Variants in WDR37 observed in about 807,000 individuals in gnomAD.
The protein encoded by WDR37 is WD repeat domain 37.
Under a neutral mutation model 62.9 loss-of-function variants are expected in WDR37, and 19 were observed. The observed-to-expected ratio is 0.30, with a 90% CI of 0.21 to 0.44. WDR37 has a LOEUF of 0.44. WDR37 is among the 20% of genes least tolerant of loss of function. The pLI is 1.00. For missense variants in WDR37, 474 were observed against 657.6 expected, an observed-to-expected ratio of 0.72 and a Z score of 3.05; for synonymous variants, 250 against 260.9, an observed-to-expected ratio of 0.96 and a Z score of 0.40.
In WDR37 at chr10:1,113,950, C is replaced by CTTTTTTTTTTT. The variant is rs56654628; in HGVS notation, c.1103+8696_1103+8706dup. Among the ~76,000 whole-genome samples the CTTTTTTTTTTT allele has an allele frequency of 2.6e-5, 2 of 76,200 alleles. 1 individual carries two copies. The highest frequency in any genetic ancestry group is 4.8e-5 in the Non-Finnish European group (2 of 41,854). The allele number at this position is 76,200 out of a possible 152,430, so 50.0% of individuals were successfully genotyped here. A position where few individuals can be genotyped will look rare whatever the true frequency, so the allele number is the denominator to read the frequency against. The stretch of plus-strand genomic sequence containing the variant: ...TGAGGTTCAATTGTGGGTAAAATGC[C>CTTTTTTTTTTT]TTTTTTTTTTTTTTTTTTTTTTTAA... On this transcript the variant is annotated intron_variant, in intron 11 of 13. Transcript: ENST00000263150.
intron 7 of WDR37, among the ~76,000 whole-genome samples, chr10:1,089,636 CA>C (rs1834316188): frequency 6.6e-6 from 1 of 151,230 alleles, no homozygotes; most frequent in Non-Finnish European, 1.5e-5. Flanking sequence ...TGCTCACCCA[CA>C]ATTCAGCCTT....
intron 11 of WDR37, among the ~76,000 whole-genome samples, chr10:1,110,144 T>TG (rs1835164895): frequency 6.6e-6 from 1 of 152,250 alleles, no homozygotes; most frequent in Non-Finnish European, 1.5e-5. Context: ...AGATCTCTCT[T>TG]TGGCGCTAAT....
intron 1 of WDR37, among the ~76,000 whole-genome samples, chr10:1,061,802 T>C (rs897726932): frequency 6.7e-6 from 1 of 149,094 alleles, no homozygotes; most frequent in African/African-American, 2.5e-5. Context: ...TTAACACCAC[T>C]GCACTCCAGC....
At chr10:1,107,455 A>G (rs920794406) in intron 11 of WDR37, among the ~76,000 whole-genome samples, 9 of 152,266 alleles carry the variant, frequency 5.9e-5, no homozygotes, top group African/African-American at 2.2e-4. Flanking sequence ...AAAAGTTTCA[A>G]GCCTACATAA....
In WDR37 at chr10:1,056,592, C is replaced by T. The variant is rs1833171421; in HGVS notation, c.-417C>T. 6.6e-6 allele frequency: 1 copy of T among 152,256 alleles called. No homozygotes were observed. Among genetic ancestry groups the T allele is most frequent in the Non-Finnish European group, 1.5e-5 (1 of 68,076 alleles). The allele number at this position is 152,256 out of a possible 1,614,324, so 9.4% of individuals were successfully genotyped here. On this transcript the variant is annotated 5_prime_UTR_variant, in exon 1 of 14. Transcript: ENST00000263150. ...GAGTAGCTACGACCCCCGAGGCCAC[C>T]TCCCGCGAACCGCTCGGCGGCAGGA...
In WDR37 at chr10:1,089,708, C is replaced by T. The variant is rs180739631; in HGVS notation, c.604+3351C>T. Among the ~76,000 whole-genome samples the T allele has an allele frequency of 1.0e-3, 119 of 116,270 alleles. 3 individuals are homozygous for T. The East Asian group carries it at 0.033, about 32-fold the overall frequency. 76.3% of individuals were successfully genotyped at this position (116,270 alleles called of 152,430 possible). A position where few individuals can be genotyped will look rare whatever the true frequency, so the allele number is the denominator to read the frequency against. ...ACCCGCAGTTCGGCCTTCCCGTGCTCACCCGCAATTCAACCTTCCTGTGTT... is the reference window on the plus strand; with the variant it reads ...ACCCGCAGTTCGGCCTTCCCGTGCTTACCCGCAATTCAACCTTCCTGTGTT... On this transcript the variant is annotated intron_variant, in intron 7 of 13. Coordinates refer to ENST00000263150, the MANE Select transcript of WDR37 (RefSeq NM_014023.4).
intron 11 of WDR37, among the ~76,000 whole-genome samples, chr10:1,111,333 G>A (rs1172251074): frequency 1.3e-5 from 2 of 152,168 alleles, no homozygotes; most frequent in African/African-American, 4.8e-5. Context: ...TAGCTCTAAA[G>A]GCTTAAGGTA....
chr10:1,080,678 G>C (rs2131625759), intron 5 of WDR37, among the ~76,000 whole-genome samples: 1 of 152,302 alleles, frequency 6.6e-6, no homozygotes, highest in African/African-American at 2.4e-5. Context: ...GGCTGAGGTG[G>C]ATGGATCACT....
chr10:1,065,325 A>T (rs1450605247), intron 1 of WDR37, among the ~76,000 whole-genome samples: 1 of 152,230 alleles, frequency 6.6e-6, no homozygotes, highest in Non-Finnish European at 1.5e-5. Context: ...AATGTTGATA[A>T]TCAGTAGACT....
In WDR37 at chr10:1,129,810, T is replaced by TAC. The variant is rs1457358287; in HGVS notation, c.*467_*468dup. 6.5e-6 allele frequency: 1 copy of TAC among 154,176 alleles called. No individual in the cohort carries two copies. The highest frequency in any genetic ancestry group is 1.9e-4 in the East Asian group (1 of 5,230). 9.6% of individuals were successfully genotyped at this position (154,176 alleles called of 1,614,324 possible). On this transcript the variant is annotated 3_prime_UTR_variant, in exon 14 of 14. Transcript: ENST00000263150. ...CAGGATTGCTCCAGGATTTTGTGTT[T>TAC]ACCTCGCGTGAAGTTCAGCACGTGC...
intron 7 of WDR37, among the ~76,000 whole-genome samples, chr10:1,092,039 G>A (rs1427838200): frequency 6.6e-6 from 1 of 151,594 alleles, no homozygotes; most frequent in African/African-American, 2.4e-5. Context: ...AATTAGCCGG[G>A]CGTGTTGGCG....
intron 5 of WDR37, among the ~76,000 whole-genome samples, chr10:1,080,730 A>G (rs539718438): frequency 1.3e-5 from 2 of 152,088 alleles, no homozygotes; most frequent in East Asian, 3.9e-4. Flanking sequence ...ACATGGTGAA[A>G]CCCTGTCTCT....
At chr10:1,115,867 G>A (rs1170396703) in intron 11 of WDR37, among the ~76,000 whole-genome samples, 1 of 152,202 alleles carries the variant, frequency 6.6e-6, no homozygotes, top group Non-Finnish European at 1.5e-5. Flanking sequence ...GGGCGGAAGT[G>A]ACATGGAGAT....
chr10:1,111,420 A>G lies in WDR37; in HGVS notation c.1103+6153A>G, dbSNP rs555010091. 1.7e-4 allele frequency among the ~76,000 whole-genome samples: 26 copies of G among 152,220 alleles called. No individual in the cohort carries two copies. In the South Asian group the frequency reaches 3.5e-3, roughly 21 times the overall value. ...TTTTTTTTCTTACTGTAATCCCCATACTTTTACTTGCATTCTGTGCCTTTT... is the reference window on the plus strand; with the variant it reads ...TTTTTTTTCTTACTGTAATCCCCATGCTTTTACTTGCATTCTGTGCCTTTT... On this transcript the variant is annotated intron_variant, in intron 11 of 13. Transcript: ENST00000263150.
At chr10:1,126,311 C>T (rs571552158) in intron 13 of WDR37, among the ~76,000 whole-genome samples, 3 of 150,150 alleles carry the variant, frequency 2.0e-5, no homozygotes, top group East Asian at 2.0e-4. Flanking sequence ...GAGGCTGAGG[C>T]AGGAGAATGG....
In WDR37 at chr10:1,105,885, A is replaced by G. The variant is rs1357699109; in HGVS notation, c.1103+618A>G. Among the ~76,000 whole-genome samples, 4 of 152,130 alleles carry G rather than the reference A, an allele frequency of 2.6e-5. No homozygotes were observed. In the East Asian group the frequency reaches 7.7e-4, roughly 29 times the overall value. On this transcript the variant is annotated intron_variant, in intron 11 of 13. Transcript: ENST00000263150. The surrounding 1 kb of genome is among the most constrained non-coding windows in gnomAD (Gnocchi z 5.3). ...ACTGCAAGCTCCGCCTCCCGGGTTC[A>G]CGCCATTCTCCTGCCTCAGCCTCCC... is the stretch of plus-strand genomic sequence containing the variant.
chr10:1,067,970 C>A (rs1205600652), intron 1 of WDR37, among the ~76,000 whole-genome samples: 1 of 152,088 alleles, frequency 6.6e-6, no homozygotes, highest in Non-Finnish European at 1.5e-5. Context: ...ATAAGCCAGG[C>A]ACAAAAAGTC....
chr10:1,126,998 C>T (rs1457083383), intron 13 of WDR37, among the ~76,000 whole-genome samples: 1 of 152,206 alleles, frequency 6.6e-6, no homozygotes, highest in Non-Finnish European at 1.5e-5. Context: ...GGAAGCTTTT[C>T]ATGTTTTGTT....
In WDR37 at chr10:1,071,207, G is replaced by T. The variant is rs74120407; in HGVS notation, c.-40-909G>T. On this transcript the variant is annotated intron_variant, in intron 1 of 13. Transcript: ENST00000263150. ...AAGAAGATGATGGAGGCATGTTGGC[G>T]TCTGGGAGGTCGTGGGCGTGTCCTG... Among the ~76,000 whole-genome samples, 879 of 152,284 alleles carry T rather than the reference G, an allele frequency of 5.8e-3. 11 individuals carry two copies. The highest frequency in any genetic ancestry group is 0.02 in the African/African-American group (832 of 41,552).
Sources: gnomAD v4.1 joint callset for allele counts (sites outside exome capture counted in the v4.1 genomes callset) on GRCh38, gnomAD v4.1.1 for gene constraint, Gnocchi (gnomAD v3.1) non-coding constraint, MANE v1.5 for transcripts, NCBI Gene and HGNC (gene_info 2026-07-23, HGNC 2026-07-21) for gene names.